COMMD10: variants seen among roughly 807,000 people sequenced by gnomAD.
COMMD10 encodes COMM domain-containing protein 10.
COMMD10 carries 33 observed loss-of-function variants against 28.9 expected under a neutral mutation model. The observed-to-expected ratio is 1.14, with a 90% CI of 0.87 to 1.53. The LOEUF is 1.53. Among genes scored for constraint, COMMD10 ranks in the 40% most tolerant of loss-of-function variants. The pLI is 0.00. For missense variants in COMMD10, 310 were observed against 233.4 expected, an observed-to-expected ratio of 1.33 and a Z score of -2.14; for synonymous variants, 110 against 81.7, an observed-to-expected ratio of 1.35 and a Z score of -1.87.
At position 116,085,088 on chromosome 5, in the gene COMMD10, C is replaced by G; in HGVS notation, c.36C>G (p.Ser12Arg). The G allele has an allele frequency of 6.2e-7, 1 of 1,609,920 alleles. No homozygotes were observed. The highest frequency in any genetic ancestry group is 8.5e-7 in the Non-Finnish European group (1 of 1,178,952). ...AVPAALILRE[S>R]PSMKKAVSLI... is the part of the protein sequence containing the mutation. ...CCGCGGCGCTGATCCTACGGGAGAG[C>G]CCCAGGTAGCTGATCCGTTAAGCTC... Residue 12 changes from serine to arginine, a missense_variant, in exon 1 of 7, where the codon AGC becomes AGG. Ser to Arg is a moderately radical substitution (Grantham distance 110, BLOSUM62 -1). Coordinates refer to ENST00000274458, the MANE Select transcript of COMMD10 (RefSeq NM_016144.4).
chr5:116,183,164 T>C (rs1223450594), intron 5 of COMMD10, among the ~76,000 whole-genome samples: 1 of 152,106 alleles, frequency 6.6e-6, no homozygotes. Context: ...GGCCATTGAC[T>C]CACCAGAGAA....
chr5:116,129,036 G>A (rs1054316787), intron 4 of COMMD10, among the ~76,000 whole-genome samples: 1 of 151,728 alleles, frequency 6.6e-6, no homozygotes, highest in Non-Finnish European at 1.5e-5. Context: ...GAGCAGTCGT[G>A]GGTAGATACT....
intron 5 of COMMD10, among the ~76,000 whole-genome samples, chr5:116,180,691 C>T (rs1008388927): frequency 6.6e-6 from 1 of 151,302 alleles, no homozygotes; most frequent in African/African-American, 2.4e-5. Flanking sequence ...AAATAAACTC[C>T]CTAACTAAAA....
intron 4 of COMMD10, among the ~76,000 whole-genome samples, chr5:116,133,809 T>C (rs1751936690): frequency 6.6e-6 from 1 of 152,192 alleles, no homozygotes; most frequent in South Asian, 2.1e-4. Flanking sequence ...CATTGCTTGG[T>C]ATTAGAATTT....
chr5:116,216,601 G>A (rs1364976826), intron 5 of COMMD10, among the ~76,000 whole-genome samples: 4 of 152,086 alleles, frequency 2.6e-5, no homozygotes, highest in Non-Finnish European at 5.9e-5. Context: ...GCGCGATCTC[G>A]GCTCACTGCA....
intron 4 of COMMD10, among the ~76,000 whole-genome samples, chr5:116,120,826 G>A (rs1003877086): frequency 1.3e-5 from 2 of 151,538 alleles, no homozygotes; most frequent in Non-Finnish European, 2.9e-5. Flanking sequence ...ACCTGTTTGT[G>A]GATATCTGGG....
intron 4 of COMMD10, among the ~76,000 whole-genome samples, chr5:116,125,994 G>C (rs1751618556): frequency 6.6e-6 from 1 of 152,156 alleles, no homozygotes; most frequent in Non-Finnish European, 1.5e-5. Context: ...AATTTTCCCT[G>C]TTTGCAGATG....
intron 5 of COMMD10, among the ~76,000 whole-genome samples, chr5:116,234,469 T>C (rs1749608539): frequency 1.3e-5 from 2 of 152,168 alleles, no homozygotes; most frequent in South Asian, 4.1e-4. Context: ...TAAATTCTCA[T>C]GGTAGCAATA....
intron 5 of COMMD10, among the ~76,000 whole-genome samples, chr5:116,264,197 C>T (rs1187108997): frequency 6.6e-6 from 1 of 151,700 alleles, no homozygotes; most frequent in Non-Finnish European, 1.5e-5. Context: ...GGTGTACATT[C>T]TTAGAGGAAT....
chr5:116,157,378 G>GGCTA (rs1752751382), intron 5 of COMMD10, among the ~76,000 whole-genome samples: 3 of 152,202 alleles, frequency 2.0e-5, no homozygotes, highest in African/African-American at 7.2e-5. Context: ...TTGGCTGGCT[G>GGCTA]GGCTTGGCTG....
At chr5:116,088,765 AGTTT>A (rs1750204876) in intron 2 of COMMD10, among the ~76,000 whole-genome samples, 2 of 152,286 alleles carry the variant, frequency 1.3e-5, no homozygotes, top group South Asian at 4.1e-4. Context: ...CAGTCTCAGC[AGTTT>A]GTTCTTTCTT....
Position 116,245,489 on chromosome 5 carries a change from G to A in COMMD10, c.511-46028G>A, listed in dbSNP as rs1749917703. Among the ~76,000 whole-genome samples the A allele has an allele frequency of 2.0e-5, 3 of 152,006 alleles. No individual in the cohort carries two copies. The South Asian group carries it at 6.2e-4, about 32-fold the overall frequency. ...GAGCAACTCCTCCCTAACTCATCCT[G>A]TGAGGCTAGCATCACCCTGATACCA... On this transcript the variant is annotated intron_variant, in intron 5 of 6. Coordinates refer to ENST00000274458, the MANE Select transcript of COMMD10 (RefSeq NM_016144.4).
At chr5:116,221,198 A>C (rs974632287) in intron 5 of COMMD10, among the ~76,000 whole-genome samples, 1 of 151,532 alleles carries the variant, frequency 6.6e-6, no homozygotes, top group African/African-American at 2.4e-5. Flanking sequence ...GAGCTGTCTC[A>C]GCAAATGCAC....
chr5:116,201,572 T>G (rs1748668488), intron 5 of COMMD10, among the ~76,000 whole-genome samples: 1 of 152,196 alleles, frequency 6.6e-6, no homozygotes, highest in Non-Finnish European at 1.5e-5. Flanking sequence ...ACCCTATGAC[T>G]TGACTTCTCT....
At chr5:116,184,121 A>ATC (rs1748063818) in intron 5 of COMMD10, among the ~76,000 whole-genome samples, 1 of 152,010 alleles carries the variant, frequency 6.6e-6, no homozygotes, top group South Asian at 2.1e-4. Flanking sequence ...AGTTTTATAG[A>ATC]TCTCACATTG....
At chr5:116,190,943 T>A (rs1748349895) in intron 5 of COMMD10, among the ~76,000 whole-genome samples, 1 of 152,186 alleles carries the variant, frequency 6.6e-6, no homozygotes, top group Admixed American at 6.5e-5. Context: ...ATTACCAAAT[T>A]TGCTGGAACT....
At chr5:116,104,158 A>G (rs533325023) in intron 4 of COMMD10, among the ~76,000 whole-genome samples, 4 of 152,320 alleles carry the variant, frequency 2.6e-5, no homozygotes, top group African/African-American at 7.2e-5. Context: ...TGAAATTTAA[A>G]GTAGTTTTTT....
chr5:116,127,027 C>T (rs1337038754), intron 4 of COMMD10, among the ~76,000 whole-genome samples: 1 of 152,182 alleles, frequency 6.6e-6, no homozygotes, highest in South Asian at 2.1e-4. Context: ...ATCTACCCAA[C>T]TGACAAAGGG....
chr5:116,110,224 C>G lies in COMMD10; in HGVS notation c.399+17524C>G, dbSNP rs80326206. On this transcript the variant is annotated intron_variant, in intron 4 of 6. Coordinates refer to ENST00000274458, the MANE Select transcript of COMMD10 (RefSeq NM_016144.4). Reference sequence around the variant, plus strand: ...TCTTAGATCCCTTGACTAAAACCCACTTGATTGTGGTGTATTATCTTTTTA... The same window carrying G: ...TCTTAGATCCCTTGACTAAAACCCAGTTGATTGTGGTGTATTATCTTTTTA... 1.5e-3 allele frequency among the ~76,000 whole-genome samples: 227 copies of G among 152,300 alleles called. 2 individuals carry two copies. Among genetic ancestry groups the G allele is most frequent in the African/African-American group, 5.4e-3 (226 of 41,564 alleles).
Sources: allele counts gnomAD v4.1 joint callset (sites outside exome capture counted in the v4.1 genomes callset), GRCh38; gene constraint gnomAD v4.1.1; transcripts MANE v1.5; gene names NCBI Gene and HGNC (gene_info 2026-07-23, HGNC 2026-07-21).